The following CNTNAP2 variants were observed in gnomAD, a reference collection of about 807,000 sequenced individuals.
CNTNAP2 encodes the protein contactin-associated protein-like 2.
CNTNAP2 carries 98 observed loss-of-function variants against 155.2 expected under a neutral mutation model. The observed-to-expected ratio is 0.63, with a 90% confidence interval of 0.54 to 0.75. The LOEUF (loss-of-function observed/expected upper bound fraction) is 0.75, where lower values mean the gene tolerates loss of function less well. CNTNAP2 is among the 30% of genes least tolerant of loss of function. CNTNAP2 has a pLI of 0.00. For missense variants in CNTNAP2, 1,727 were observed against 1,688.1 expected, an observed-to-expected ratio of 1.02 and a Z score of -0.40; for synonymous variants, 651 against 631.2, an observed-to-expected ratio of 1.03 and a Z score of -0.47.
intron 22 of CNTNAP2, among the ~76,000 whole-genome samples, chr7:148,402,320 CT>C (rs11302218): frequency 0.26 from 39,574 of 151,396 alleles, 5,744 homozygotes; most frequent in Non-Finnish European, 0.33. Flanking sequence ...TGGCTGGCTA[CT>C]TTTTTTTTAG....
chr7:147,160,405 A>G (rs1802003312), intron 8 of CNTNAP2, among the ~76,000 whole-genome samples: 1 of 152,108 alleles, frequency 6.6e-6, no homozygotes, highest in African/African-American at 2.4e-5. Flanking sequence ...GGAGTTTATA[A>G]TTGCAGAAGT....
intron 3 of CNTNAP2, among the ~76,000 whole-genome samples, chr7:146,952,583 C>T (rs878925123): frequency 2.0e-5 from 3 of 152,138 alleles, no homozygotes; most frequent in Non-Finnish European, 2.9e-5. Context: ...GGCGAAGTCT[C>T]AGGATATAAA....
At chr7:147,738,724 G>A (rs542093604) in intron 13 of CNTNAP2, among the ~76,000 whole-genome samples, 3 of 150,634 alleles carry the variant, frequency 2.0e-5, no homozygotes, top group East Asian at 2.0e-4. Context: ...GTGCAATCTT[G>A]GGTCACTGCA....
intron 1 of CNTNAP2, among the ~76,000 whole-genome samples, chr7:146,522,248 T>C (rs1244825266): frequency 6.6e-6 from 1 of 152,064 alleles, no homozygotes; most frequent in Non-Finnish European, 1.5e-5. Context: ...GATTGTGAAT[T>C]TCCATACAGA....
At chr7:146,500,885 G>T (rs183331979) in intron 1 of CNTNAP2, among the ~76,000 whole-genome samples, 9 of 152,164 alleles carry the variant, frequency 5.9e-5, no homozygotes, top group African/African-American at 2.2e-4. Context: ...TTAGGGTGAG[G>T]CAATTTGCCT....
chr7:148,070,694 G>T (rs1227301216), intron 15 of CNTNAP2, among the ~76,000 whole-genome samples: 1 of 152,056 alleles, frequency 6.6e-6, no homozygotes, highest in Non-Finnish European at 1.5e-5. Context: ...CTCCAGCCTG[G>T]GTGACAGAGC....
At chr7:146,369,106 G>A (rs925793328) in intron 1 of CNTNAP2, among the ~76,000 whole-genome samples, 6 of 146,632 alleles carry the variant, frequency 4.1e-5, no homozygotes, top group East Asian at 2.0e-4. Flanking sequence ...AGTCTCATTC[G>A]TAGTTTTATT....
chr7:147,254,803 G>A (rs1159556275), intron 8 of CNTNAP2, among the ~76,000 whole-genome samples: 5 of 152,150 alleles, frequency 3.3e-5, no homozygotes, highest in Admixed American at 3.3e-4. Flanking sequence ...TGGGGGCACT[G>A]AATTGAAACG....
At chr7:146,342,987 A>G (rs372757259) in intron 1 of CNTNAP2, among the ~76,000 whole-genome samples, 10 of 152,212 alleles carry the variant, frequency 6.6e-5, no homozygotes, top group African/African-American at 2.2e-4. Flanking sequence ...AGTCATGAGC[A>G]ATAGGCATTT....
chr7:147,321,083 G>A (rs1795343504), intron 9 of CNTNAP2, among the ~76,000 whole-genome samples: 1 of 152,164 alleles, frequency 6.6e-6, no homozygotes, highest in Admixed American at 6.5e-5. Flanking sequence ...AAAACCTGTT[G>A]ACTATTCTTT....
chr7:148,264,897 GT>G (rs1183566185), intron 20 of CNTNAP2, among the ~76,000 whole-genome samples: 1 of 151,968 alleles, frequency 6.6e-6, no homozygotes, highest in Non-Finnish European at 1.5e-5. Flanking sequence ...GTTTCATCAT[GT>G]TGGCCAGGAT....
chr7:146,721,887 A>ATT (rs1265800742), intron 1 of CNTNAP2, among the ~76,000 whole-genome samples: 1 of 81,992 alleles, frequency 1.2e-5, no homozygotes, highest in African/African-American at 2.0e-4. Context: ...ATATATATAT[A>ATT]TATTTTTTTT....
intron 1 of CNTNAP2, among the ~76,000 whole-genome samples, chr7:146,765,909 T>C (rs187459888): frequency 1.1e-4 from 17 of 152,180 alleles, no homozygotes; most frequent in Admixed American, 7.9e-4. Context: ...AGCAAGGGTG[T>C]GCTTGGTGTG....
intron 14 of CNTNAP2, among the ~76,000 whole-genome samples, chr7:147,966,162 G>A (rs1266651515): frequency 1.3e-5 from 2 of 152,058 alleles, no homozygotes; most frequent in Admixed American, 6.6e-5. Flanking sequence ...TTACTTGGAG[G>A]GGGCTTTAGA....
intron 10 of CNTNAP2, among the ~76,000 whole-genome samples, chr7:147,415,728 G>A (rs1797181958): frequency 6.6e-6 from 1 of 152,068 alleles, no homozygotes; most frequent in Admixed American, 6.5e-5. Context: ...GGAATGATTA[G>A]GAAAAAAAAT....
At chr7:147,084,482 A>G (rs1031646827) in intron 4 of CNTNAP2, among the ~76,000 whole-genome samples, 4 of 143,202 alleles carry the variant, frequency 2.8e-5, no homozygotes, top group African/African-American at 7.5e-5. Flanking sequence ...ATACACATAT[A>G]TGCACATAGC....
chr7:148,035,146 G>C (rs774666010), intron 15 of CNTNAP2, among the ~76,000 whole-genome samples: 28 of 152,218 alleles, frequency 1.8e-4, no homozygotes, highest in Non-Finnish European at 2.8e-4. Context: ...AATTAAAAAA[G>C]AAGTAGAGCA....
At chr7:147,475,763 A>G (rs943891200) in intron 10 of CNTNAP2, among the ~76,000 whole-genome samples, 3 of 152,188 alleles carry the variant, frequency 2.0e-5, no homozygotes, top group Non-Finnish European at 2.9e-5. Context: ...ATTGCCACAT[A>G]CGTTTAAATC....
intron 16 of CNTNAP2, among the ~76,000 whole-genome samples, chr7:148,126,886 C>T (rs1804728187): frequency 6.6e-6 from 1 of 152,138 alleles, no homozygotes; most frequent in African/African-American, 2.4e-5. Flanking sequence ...AAAGGGGTTA[C>T]AATTCTAAGG....
Sources: allele counts gnomAD v4.1 joint callset (sites outside exome capture counted in the v4.1 genomes callset), GRCh38; gene constraint gnomAD v4.1.1; transcripts MANE v1.5; gene names NCBI Gene and HGNC (gene_info 2026-07-23, HGNC 2026-07-21).